The following PATJ variants were observed in gnomAD, a reference collection of about 807,000 sequenced individuals.
PATJ encodes PATJ crumbs cell polarity complex component, also known as inaD-like protein.
In PATJ, 190 loss-of-function variants were observed where a neutral mutation model predicts 224.9. That is an observed-to-expected ratio of 0.84 (90% confidence interval 0.75 to 0.95). The LOEUF (loss-of-function observed/expected upper bound fraction) is 0.95. Among genes scored for constraint, PATJ ranks in the 40% least tolerant of loss-of-function variants. The pLI is 0.00. For missense variants in PATJ, 2,121 were observed against 2,270.3 expected (o/e 0.93, Z 1.34); for synonymous variants, 769 against 820.3 (o/e 0.94, Z 1.07).
In PATJ at chr1:61,940,969, G is replaced by A. The variant is rs553721006; in HGVS notation, c.3670+13140G>A. On this transcript the variant is annotated intron_variant, in intron 27 of 43. Coordinates refer to ENST00000642238, the MANE Select transcript of PATJ (RefSeq NM_001350145.3). ...GATCACTAGGAGAGAAAGGCATTTT[G>A]GAGTACTTCACTTTTCTCTAATACT... 2.0e-5 allele frequency among the ~76,000 whole-genome samples: 3 copies of A among 152,088 alleles called. No homozygotes were observed. The South Asian group carries it at 6.2e-4, about 32-fold the overall frequency.
In PATJ at chr1:61,791,464, T is replaced by C; in HGVS notation, c.1168+17T>C. ...CTCATACAGGTAAATGAATCATTTCTATTTTATATTTGGAAATTGTAAAGG... is the reference window on the plus strand; with the variant it reads ...CTCATACAGGTAAATGAATCATTTCCATTTTATATTTGGAAATTGTAAAGG... On this transcript the variant is annotated intron_variant, in intron 9 of 43. Transcript: ENST00000642238. 1 of 1,431,274 alleles carries C rather than the reference T, an allele frequency of 7.0e-7. No homozygotes were observed. The highest frequency in any genetic ancestry group is 1.2e-5 in the South Asian group (1 of 84,346). The allele number at this position is 1,431,274 out of a possible 1,614,324, so 88.7% of individuals were successfully genotyped here. A position where few individuals can be genotyped will look rare whatever the true frequency, so the allele number is the denominator to read the frequency against.
At chr1:62,033,885 A>G (rs1649813985) in intron 29 of PATJ, among the ~76,000 whole-genome samples, 1 of 152,166 alleles carries the variant, frequency 6.6e-6, no homozygotes, top group African/African-American at 2.4e-5. Context: ...ATACGAAGTA[A>G]TAAGATCTCA....
intron 28 of PATJ, among the ~76,000 whole-genome samples, chr1:62,007,027 G>A (rs938867205): frequency 1.3e-5 from 2 of 152,224 alleles, no homozygotes; most frequent in East Asian, 3.9e-4. Flanking sequence ...ATACAGAAAA[G>A]GCACAGTAAA....
chr1:61,791,149 C>T (rs2148507787), intron 8 of PATJ, among the ~76,000 whole-genome samples, 199 bp from the exon 9 acceptor site: 1 of 152,244 alleles, frequency 6.6e-6, no homozygotes. Flanking sequence ...AGATTAGGCC[C>T]ACTTGGATAG....
At chr1:61,946,610 G>A (rs988234011) in intron 27 of PATJ, among the ~76,000 whole-genome samples, 6 of 152,070 alleles carry the variant, frequency 3.9e-5, no homozygotes, top group South Asian at 2.1e-4. Flanking sequence ...AGGACCAGAC[G>A]GATTCACAGC....
intron 41 of PATJ, among the ~76,000 whole-genome samples, chr1:62,129,524 C>G (rs1666055528): frequency 6.6e-6 from 1 of 152,208 alleles, no homozygotes; most frequent in African/African-American, 2.4e-5. Context: ...TATTTTAGCC[C>G]TTCAGATGTC....
intron 24 of PATJ, among the ~76,000 whole-genome samples, chr1:61,905,846 C>T (rs968962252): frequency 9.9e-5 from 15 of 152,074 alleles, no homozygotes; most frequent in African/African-American, 2.4e-4. Flanking sequence ...CAGTCGACAC[C>T]GACTGGATGT....
chr1:62,151,845 GAGCAAT>G (rs905495381), intron 42 of PATJ, among the ~76,000 whole-genome samples: 4 of 152,168 alleles, frequency 2.6e-5, no homozygotes, highest in African/African-American at 9.7e-5. Flanking sequence ...TCTGCCTTTT[GAGCAAT>G]AGCATTTGGG....
chr1:61,961,573 A>G (rs1384920135), intron 27 of PATJ, among the ~76,000 whole-genome samples: 1 of 152,232 alleles, frequency 6.6e-6, no homozygotes, highest in Non-Finnish European at 1.5e-5. Context: ...TATATTTTGC[A>G]AAAACACTTT....
intron 7 of PATJ, among the ~76,000 whole-genome samples, chr1:61,779,171 G>T (rs1320526972): frequency 6.6e-6 from 1 of 152,136 alleles, no homozygotes; most frequent in Non-Finnish European, 1.5e-5. Flanking sequence ...CAGAGAAACA[G>T]AACCAATAGG....
chr1:61,744,629 T>C (rs1039047878), intron 1 of PATJ, among the ~76,000 whole-genome samples: 1 of 152,214 alleles, frequency 6.6e-6, no homozygotes, highest in Non-Finnish European at 1.5e-5. Context: ...ACAAACTTTT[T>C]CCTCTGCTCT....
rs926799748 is a variant in PATJ at position 62,163,857 on chromosome 1, G to A, written c.*2803G>A. 3 of 152,144 alleles carry A rather than the reference G, an allele frequency of 2.0e-5. No individual in the cohort carries two copies. The highest frequency in any genetic ancestry group is 2.9e-5 in the Non-Finnish European group (2 of 68,032). The allele number at this position is 152,144 out of a possible 1,614,324, so 9.4% of individuals were successfully genotyped here. The stretch of plus-strand genomic sequence containing the variant: ...GTAAGCCAGGAAGAATAAAACTGCT[G>A]AATGTTTGTATGTGTAAGATATTTC... On this transcript the variant is annotated 3_prime_UTR_variant, in exon 44 of 44. Coordinates refer to ENST00000642238, the MANE Select transcript of PATJ (RefSeq NM_001350145.3).
At chr1:62,092,626 G>A (rs1457491731) in intron 33 of PATJ, among the ~76,000 whole-genome samples, 1 of 151,882 alleles carries the variant, frequency 6.6e-6, no homozygotes, top group African/African-American at 2.4e-5. Flanking sequence ...ATGTTGGCCA[G>A]GCTGGTCTTG....
rs557489779 is a variant in PATJ at position 61,965,911 on chromosome 1, T to C, written c.3671-24257T>C. On this transcript the variant is annotated intron_variant, in intron 27 of 43. Coordinates refer to ENST00000642238, the MANE Select transcript of PATJ (RefSeq NM_001350145.3). ...TTATTATTTATGTTATTTTTATTTATTTATTTTTGAGGTGGAGCCTCGCTC... is the reference window on the plus strand; with the variant it reads ...TTATTATTTATGTTATTTTTATTTACTTATTTTTGAGGTGGAGCCTCGCTC... 3.0e-3 allele frequency among the ~76,000 whole-genome samples: 459 copies of C among 152,320 alleles called. 4 individuals carry two copies. Among genetic ancestry groups the C allele is most frequent in the Middle Eastern group, 0.017 (5 of 294 alleles).
intron 22 of PATJ, among the ~76,000 whole-genome samples, chr1:61,893,344 A>C (rs1445153009): frequency 6.6e-6 from 1 of 152,248 alleles, no homozygotes; most frequent in Admixed American, 6.5e-5. Context: ...TATTCTAGAT[A>C]GAGTGGTTTC....
At chr1:61,892,416 A>C (rs945045655) in intron 22 of PATJ, among the ~76,000 whole-genome samples, 5 of 151,930 alleles carry the variant, frequency 3.3e-5, no homozygotes, top group African/African-American at 9.7e-5. Flanking sequence ...TTGTATGATG[A>C]ACATTTTATT....
At chr1:61,817,466 C>T (rs757136679) in intron 14 of PATJ, among the ~76,000 whole-genome samples, 14 of 152,206 alleles carry the variant, frequency 9.2e-5, no homozygotes, top group Non-Finnish European at 1.8e-4. Flanking sequence ...GGGTTCAAGA[C>T]CAGCCTGACC....
chr1:62,103,657 G>A (rs1171460617), intron 33 of PATJ, among the ~76,000 whole-genome samples: 2 of 152,048 alleles, frequency 1.3e-5, no homozygotes, highest in Non-Finnish European at 2.9e-5. Flanking sequence ...GGGAGAACAA[G>A]GCAGAAGAAT....
chr1:61,744,093 A>G (rs1644897886), intron 1 of PATJ, among the ~76,000 whole-genome samples: 2 of 152,024 alleles, frequency 1.3e-5, no homozygotes, highest in African/African-American at 4.8e-5. Flanking sequence ...AGGCAGGAGG[A>G]TCGCTTGAGG....
Sources: gnomAD v4.1 joint callset for allele counts (sites outside exome capture counted in the v4.1 genomes callset) on GRCh38, gnomAD v4.1.1 for gene constraint, MANE v1.5 for transcripts, NCBI Gene and HGNC (gene_info 2026-07-23, HGNC 2026-07-21) for gene names.